Variants in MGAT1 observed in about 807,000 individuals in gnomAD.
MGAT1 encodes the protein alpha-1,3-mannosyl-glycoprotein 2-beta-N-acetylglucosaminyltransferase, also known as N-glycosyl-oligosaccharide-glycoprotein N-acetylglucosaminyltransferase I.
A neutral mutation model predicts 31.7 loss-of-function variants in MGAT1; 14 were observed. The observed-to-expected ratio is 0.44, with a 90% confidence interval of 0.29 to 0.69. The LOEUF is 0.69. Ranked by LOEUF, MGAT1 falls within the 30% of genes least tolerant of loss-of-function variation. The pLI, the probability that MGAT1 is intolerant of heterozygous loss-of-function variation, is 0.12. For synonymous variants in MGAT1, 338 were observed against 276.0 expected (o/e 1.22, Z -2.23); for missense variants, 557 against 626.0 (o/e 0.89, Z 1.18).
At chr5:180,813,356 A>G (rs1253825631) in intron 1 of MGAT1, among the ~76,000 whole-genome samples, 4 of 152,202 alleles carry the variant, frequency 2.6e-5, no homozygotes, top group Admixed American at 1.3e-4. Context: ...GATTGCCTAC[A>G]GCATATCTTT....
At chr5:180,813,363 C>A (rs966514884) in intron 1 of MGAT1, among the ~76,000 whole-genome samples, 4 of 152,210 alleles carry the variant, frequency 2.6e-5, no homozygotes, top group African/African-American at 9.6e-5. Context: ...TACAGCATAT[C>A]TTTTGCCCAC....
In MGAT1 at chr5:180,792,000, G is replaced by C. The variant is rs750161785; in HGVS notation, c.972C>G (p.Phe324Leu). The C allele has an allele frequency of 6.2e-7, 1 of 1,614,194 alleles. No individual in the cohort carries two copies. Among genetic ancestry groups the C allele is most frequent in the South Asian group, 1.1e-5 (1 of 91,086 alleles). ...FGRKGVSHGQ[F>L]FDQHLKFIKL... is the part of the protein sequence containing the mutation. Reference sequence around the variant, plus strand: ...TGATAAACTTGAGGTGCTGGTCAAAGAACTGCCCGTGGCTCACACCCTTGC... The same window carrying C: ...TGATAAACTTGAGGTGCTGGTCAAACAACTGCCCGTGGCTCACACCCTTGC... The change falls in exon 2 of 2, where the codon TTC (phenylalanine) becomes TTG (leucine). Residue 324 changes from phenylalanine to leucine, a missense_variant. Phe to Leu is a conservative substitution (Grantham distance 22). Around this residue, in one of 3 missense-constraint regions of MGAT1, gnomAD observed 245 missense variants for 332.9 expected, o/e 0.74. Transcript: ENST00000307826.
In MGAT1 at chr5:180,792,622, G is replaced by GTGC; in HGVS notation, c.347_349dup (p.Ser116dup). On this transcript the variant is annotated inframe_insertion, in exon 2 of 2. Coordinates refer to ENST00000307826, the MANE Select transcript of MGAT1 (RefSeq NM_002406.4). ...CAGCTTGTCCAGGCAGCGCCGAACA[G>GTGC]TGCTGCGGTCACAGGCGATGACCAG... The GTGC allele has an allele frequency of 6.2e-7, 1 of 1,600,650 alleles. No homozygotes were observed. Among genetic ancestry groups the GTGC allele is most frequent in the Non-Finnish European group, 8.5e-7 (1 of 1,171,890 alleles).
intron 1 of MGAT1, among the ~76,000 whole-genome samples, chr5:180,801,103 A>T (rs958723671): frequency 2.0e-5 from 3 of 152,216 alleles, no homozygotes; most frequent in African/African-American, 7.2e-5. Context: ...TATGGGGCTC[A>T]CTCAGTTTCT....
intron 1 of MGAT1, chr5:180,811,086 G>T (rs559018818): frequency 1.1e-4 from 16 of 152,208 alleles, no homozygotes; most frequent in African/African-American, 3.6e-4. Flanking sequence ...CAGGGGAGCC[G>T]CTACTCGTTT....
At chr5:180,804,827 A>G (rs750522595), upstream of MGAT1, among the ~76,000 whole-genome samples, 1 of 152,156 alleles carries the variant, frequency 6.6e-6, no homozygotes, top group Non-Finnish European at 1.5e-5. Context: ...TCTCCATCTA[A>G]GGCAGGTGAA....
chr5:180,792,759 C>T lies in MGAT1; in HGVS notation c.213G>A (p.Leu71=). The T allele has an allele frequency of 6.5e-7, 1 of 1,547,612 alleles. No homozygotes were observed. The highest frequency in any genetic ancestry group is 8.7e-7 in the Non-Finnish European group (1 of 1,146,596). The change falls in exon 2 of 2, where the codon CTG becomes CTA. Residue 71 remains leucine (L), a synonymous_variant. Coordinates refer to ENST00000307826, the MANE Select transcript of MGAT1 (RefSeq NM_002406.4). The part of the protein sequence containing the change: ...AEVELERQRG[L]LQQIGDALSS... The stretch of plus-strand genomic sequence containing the variant: ...ACAGGGCATCCCCGATCTGCTGCAG[C>T]AGCCCACGCTGCCGCTCCAGCTCCA...
chr5:180,812,286 A>G (rs1223594921), intron 1 of MGAT1, among the ~76,000 whole-genome samples: 2 of 152,260 alleles, frequency 1.3e-5, no homozygotes, highest in Non-Finnish European at 2.9e-5. Flanking sequence ...CTTCTCTCAC[A>G]TGGAAATATA....
Position 180,792,945 on chromosome 5 carries a change from A to G in MGAT1, c.27T>C (p.Leu9=). 6.2e-7 allele frequency: 1 copy of G among 1,613,486 alleles called. No homozygotes were observed. The highest frequency in any genetic ancestry group is 8.5e-7 in the Non-Finnish European group (1 of 1,179,950). MLKKQSAG[L]VLWGAILFVA... ...CAAAGAGGATAGCGCCCCACAGCAC[A>G]AGCCCTGCAGACTGCTTCTTCAGCA... Residue 9 remains leucine, a synonymous_variant, in exon 2 of 2, where the codon CTT becomes CTC. Transcript: ENST00000307826.
rs1254707659 is a variant in MGAT1, at chr5:180,792,012, G to A, written c.960C>T (p.Ser320=). Residue 320 remains serine (S), a synonymous_variant, in exon 2 of 2, where the codon AGC becomes AGT. Coordinates refer to ENST00000307826, the MANE Select transcript of MGAT1 (RefSeq NM_002406.4). ...GGTGCTGGTCAAAGAACTGCCCGTG[G>A]CTCACACCCTTGCGGCCAAAGGTCA... is the stretch of plus-strand genomic sequence containing the variant. ...RTMTFGRKGV[S]HGQFFDQHLK... 2 of 1,614,046 alleles carry A rather than the reference G, an allele frequency of 1.2e-6. No homozygotes were observed. The highest frequency in any genetic ancestry group is 1.3e-5 in the African/African-American group (1 of 74,948).
intron 1 of MGAT1, among the ~76,000 whole-genome samples, chr5:180,795,042 A>G (rs1423793656): frequency 1.3e-5 from 2 of 152,212 alleles, no homozygotes; most frequent in Non-Finnish European, 1.5e-5. Flanking sequence ...CAATCTCCAA[A>G]TAATTACACA....
At chr5:180,805,400 A>G (rs1389369093), upstream of MGAT1, among the ~76,000 whole-genome samples, 1 of 152,216 alleles carries the variant, frequency 6.6e-6, no homozygotes, top group Non-Finnish European at 1.5e-5. Flanking sequence ...ACTTTTTACA[A>G]TTTGGAAAGA....
chr5:180,800,986 C>T (rs1770648023), intron 1 of MGAT1, among the ~76,000 whole-genome samples: 1 of 152,174 alleles, frequency 6.6e-6, no homozygotes, highest in African/African-American at 2.4e-5. Context: ...TCCACACCAC[C>T]AGGTACAAAG....
In MGAT1 at chr5:180,791,342, G is replaced by A. The variant is rs537659524; in HGVS notation, c.*292C>T. ...CTCTCTGCACATGCTCCAGGAGAAA[G>A]CTCAGGACGTGGACATTTCTGGCCC... On this transcript the variant is annotated 3_prime_UTR_variant, in exon 2 of 2. Coordinates refer to ENST00000307826, the MANE Select transcript of MGAT1 (RefSeq NM_002406.4). 8.0e-6 allele frequency: 4 copies of A among 497,190 alleles called. No homozygotes were observed. The highest frequency in any genetic ancestry group is 2.7e-5 in the South Asian group (1 of 37,166). The allele number at this position is 497,190 out of a possible 1,614,324, so 30.8% of individuals were successfully genotyped here.
upstream of MGAT1, among the ~76,000 whole-genome samples, chr5:180,806,978 G>A (rs947626358): frequency 2.6e-5 from 4 of 152,312 alleles, no homozygotes; most frequent in African/African-American, 7.2e-5. Context: ...GGCCTCAAAG[G>A]GGCTGCCCCA....
At position 180,790,461 on chromosome 5, in the gene MGAT1, C is replaced by T. The variant is rs1291654606; in HGVS notation, c.*1173G>A. Reference sequence around the variant, plus strand: ...ACTTTGCTTCCTCCCACCCGTCTAGCCCTCTCCTTAACTCTTCATTCTCCC... The same window carrying T: ...ACTTTGCTTCCTCCCACCCGTCTAGTCCTCTCCTTAACTCTTCATTCTCCC... On this transcript the variant is annotated 3_prime_UTR_variant, in exon 2 of 2. Transcript: ENST00000307826. The T allele has an allele frequency of 6.6e-6, 1 of 152,542 alleles. No homozygotes were observed. The highest frequency in any genetic ancestry group is 2.4e-5 in the African/African-American group (1 of 41,460). The allele number at this position is 152,542 out of a possible 1,614,324, so 9.4% of individuals were successfully genotyped here.
chr5:180,785,590 T>G lies in MGAT1; in HGVS notation c.*6044A>C, dbSNP rs770077179. 3 of 152,260 alleles carry G rather than the reference T, an allele frequency of 2.0e-5. No individual in the cohort carries two copies. The highest frequency in any genetic ancestry group is 2.9e-5 in the Non-Finnish European group (2 of 68,072). The allele number at this position is 152,260 out of a possible 1,614,324, so 9.4% of individuals were successfully genotyped here. ...TGGAGCTCAAGGCCCCAAGTGTGCC[T>G]GTTCTAGCAAGAACCAGGAAGAGGC... On this transcript the variant is annotated 3_prime_UTR_variant, in exon 2 of 2. Transcript: ENST00000307826.
chr5:180,800,356 C>A (rs62407760), intron 1 of MGAT1, among the ~76,000 whole-genome samples: 12,755 of 152,282 alleles, frequency 0.084, 593 homozygotes, highest in East Asian at 0.21. Context: ...TTCTATTGGT[C>A]AGAAATGTGG....
At chr5:180,807,677 A>G (rs902163122), upstream of MGAT1, among the ~76,000 whole-genome samples, 2 of 152,338 alleles carry the variant, frequency 1.3e-5, no homozygotes, top group East Asian at 1.9e-4. Flanking sequence ...CTGGAGAGCC[A>G]TAAGGGCCAA....
Sources: gnomAD v4.1 joint callset for allele counts (sites outside exome capture counted in the v4.1 genomes callset) on GRCh38, gnomAD v4.1.1 for gene constraint, gnomAD v4.1.1 regional missense constraint, MANE v1.5 for transcripts, NCBI Gene and HGNC (gene_info 2026-07-23, HGNC 2026-07-21) for gene names.